MCTP1: variants seen among roughly 807,000 people sequenced by gnomAD.
MCTP1 encodes the protein multiple C2 and transmembrane domain containing 1.
A neutral mutation model predicts 120.6 loss-of-function variants in MCTP1; 69 were observed. The ratio of observed to expected loss-of-function variants is 0.57; its 90% CI spans 0.47 to 0.70. The LOEUF is 0.70. Among genes scored for constraint, MCTP1 ranks in the 30% least tolerant of loss-of-function variants. MCTP1 has a pLI of 0.00. For missense variants in MCTP1, 1,203 were observed against 1,248.8 expected, an observed-to-expected ratio of 0.96 and a Z score of 0.55; for synonymous variants, 529 against 493.1, an observed-to-expected ratio of 1.07 and a Z score of -0.96.
intron 1 of MCTP1, among the ~76,000 whole-genome samples, chr5:95,238,703 C>T (rs1755830989): frequency 6.6e-6 from 1 of 152,138 alleles, no homozygotes; most frequent in African/African-American, 2.4e-5. Context: ...CGCCTGATAC[C>T]AAGCCTCATA....
chr5:95,271,144 T>C (rs542012975), intron 1 of MCTP1, among the ~76,000 whole-genome samples: 1 of 152,254 alleles, frequency 6.6e-6, no homozygotes, highest in African/African-American at 2.4e-5. Context: ...GATTTTAAAA[T>C]ATGAAATGGG....
intron 1 of MCTP1, chr5:95,068,958 T>A: frequency 9.9e-4 from 6 of 6,080 alleles, no homozygotes; most frequent in Non-Finnish European, 1.2e-3. Context: ...GCAGGTATCT[T>A]TTTTTTTTTT....
intron 7 of MCTP1, among the ~76,000 whole-genome samples, chr5:94,919,383 A>T (rs547522026): frequency 1.1e-3 from 166 of 152,100 alleles, no homozygotes; most frequent in African/African-American, 3.6e-3. Flanking sequence ...ATGGAAAATT[A>T]AAAAAAATCG....
At chr5:94,867,171 A>G (rs752351759) in intron 17 of MCTP1, 42 of 1,312,088 alleles carry the variant, frequency 3.2e-5, no homozygotes, top group Non-Finnish European at 4.0e-5. Context: ...TATTTATTAT[A>G]AGAAAGAGCT....
chr5:95,154,467 G>A (rs1744872838), intron 1 of MCTP1, among the ~76,000 whole-genome samples: 3 of 152,064 alleles, frequency 2.0e-5, no homozygotes, highest in Admixed American at 6.6e-5. Flanking sequence ...AACTATAAGG[G>A]TTACTTCAGC....
At chr5:95,149,892 C>T (rs893059812) in intron 1 of MCTP1, among the ~76,000 whole-genome samples, 17 of 152,166 alleles carry the variant, frequency 1.1e-4, no homozygotes, top group Non-Finnish European at 5.9e-5. Context: ...GCTTTTCACT[C>T]TCTCACCCTT....
rs34667866 is a variant in MCTP1, at chr5:95,276,251, A to ATTTT, written c.720+7601_720+7604dup. ...GACAGGATTCTTGGTCAATATTGGGATTTTTTTTTTTTTTTTTTTTTTTTT... is the reference window on the plus strand; with the variant it reads ...GACAGGATTCTTGGTCAATATTGGGATTTTTTTTTTTTTTTTTTTTTTTTTTTTT... On this transcript the variant is annotated intron_variant, in intron 1 of 22. Transcript: ENST00000515393. 1.8e-3 allele frequency among the ~76,000 whole-genome samples: 156 copies of ATTTT among 84,768 alleles called. 16 individuals carry two copies. The highest frequency in any genetic ancestry group is 2.0e-3 in the South Asian group (4 of 1,996). 55.6% of individuals were successfully genotyped at this position (84,768 alleles called of 152,430 possible).
intron 17 of MCTP1, among the ~76,000 whole-genome samples, chr5:94,860,509 A>G (rs1319366680): frequency 2.0e-5 from 3 of 151,770 alleles, no homozygotes; most frequent in African/African-American, 7.2e-5. Flanking sequence ...CCTGTCCTTT[A>G]ATTGGACTAT....
intron 17 of MCTP1, among the ~76,000 whole-genome samples, chr5:94,853,859 C>T (rs946883352): frequency 6.6e-6 from 1 of 151,840 alleles, no homozygotes; most frequent in Non-Finnish European, 1.5e-5. Context: ...GGCCTTATTC[C>T]CGCCTCTGGA....
chr5:94,947,794 T>C (rs1819497233), intron 3 of MCTP1, among the ~76,000 whole-genome samples: 1 of 150,154 alleles, frequency 6.7e-6, no homozygotes, highest in Non-Finnish European at 1.5e-5. Context: ...AAATTTTTTT[T>C]TTTTTTTGTA....
intron 17 of MCTP1, among the ~76,000 whole-genome samples, chr5:94,825,332 C>T (rs1561699591): frequency 6.6e-6 from 1 of 152,096 alleles, no homozygotes; most frequent in Non-Finnish European, 1.5e-5. Flanking sequence ...GTTCAATTTC[C>T]ATGTAGTTTT....
chr5:95,207,938 A>AGAGG (rs1193173556), intron 1 of MCTP1, among the ~76,000 whole-genome samples: 2 of 134,486 alleles, frequency 1.5e-5, no homozygotes, highest in African/African-American at 5.6e-5. Flanking sequence ...CGAGAGAGAG[A>AGAGG]GAGAGAGAGG....
chr5:95,272,503 A>T (rs1008728419), intron 1 of MCTP1, among the ~76,000 whole-genome samples: 1 of 152,264 alleles, frequency 6.6e-6, no homozygotes, highest in Admixed American at 6.5e-5. Flanking sequence ...CATCCAAGTT[A>T]TACAAAGATC....
chr5:95,153,992 C>T (rs549530026), intron 1 of MCTP1, among the ~76,000 whole-genome samples: 20 of 152,192 alleles, frequency 1.3e-4, no homozygotes, highest in East Asian at 1.2e-3. Context: ...AAGTCATGCC[C>T]GAAAGAAATG....
intron 1 of MCTP1, among the ~76,000 whole-genome samples, chr5:95,145,157 T>C (rs542562331): frequency 6.6e-5 from 10 of 152,262 alleles, no homozygotes; most frequent in African/African-American, 2.2e-4. Flanking sequence ...TTTTTGCAGC[T>C]ATTTTAAATG....
intron 1 of MCTP1, among the ~76,000 whole-genome samples, chr5:95,102,556 AAACT>A (rs1294730773): frequency 2.4e-4 from 37 of 152,224 alleles, no homozygotes; most frequent in African/African-American, 8.9e-4. Flanking sequence ...ATTGAGGAAT[AAACT>A]AACCCATCTC....
chr5:94,902,667 G>A (rs1805829737), intron 10 of MCTP1, among the ~76,000 whole-genome samples: 1 of 152,028 alleles, frequency 6.6e-6, no homozygotes. Context: ...TGAAATGTTT[G>A]CATTAAAAAG....
chr5:94,725,087 T>C (rs1348362589), intron 19 of MCTP1, among the ~76,000 whole-genome samples: 1 of 152,132 alleles, frequency 6.6e-6, no homozygotes, highest in African/African-American at 2.4e-5. Context: ...GGTTTTGAAA[T>C]GTGAAAGCAC....
At chr5:94,851,459 A>G (rs957969459) in intron 17 of MCTP1, among the ~76,000 whole-genome samples, 2 of 152,160 alleles carry the variant, frequency 1.3e-5, no homozygotes, top group African/African-American at 2.4e-5. Context: ...AAAGGCATGC[A>G]TAAAGGAAAG....
Sources: gnomAD v4.1 joint callset for allele counts (sites outside exome capture counted in the v4.1 genomes callset) on GRCh38, gnomAD v4.1.1 for gene constraint, MANE v1.5 for transcripts, NCBI Gene and HGNC (gene_info 2026-07-23, HGNC 2026-07-21) for gene names.